Variants in OPHN1 observed in about 807,000 individuals in gnomAD.
The protein encoded by OPHN1 is oligophrenin 1.
In OPHN1, 11 loss-of-function variants were observed where a neutral mutation model predicts 60.7. The ratio of observed to expected loss-of-function variants is 0.18; its 90% CI spans 0.11 to 0.30. OPHN1 has a LOEUF of 0.30. Among genes scored for constraint, OPHN1 ranks in the 10% least tolerant of loss-of-function variants. OPHN1 has a pLI of 1.00. For missense variants in OPHN1, 449 were observed against 611.0 expected, an observed-to-expected ratio of 0.73 and a Z score of 2.80; for synonymous variants, 226 against 222.6, an observed-to-expected ratio of 1.02 and a Z score of -0.14.
rs1426917769 is a variant in OPHN1 at position 68,113,080 on chromosome X, C to A, written c.1420+101G>T. 3 of 642,507 alleles carry A rather than the reference C, an allele frequency of 4.7e-6. No individual in the cohort carries two copies. The Admixed American group carries it at 7.6e-5, about 16-fold the overall frequency. 52.9% of individuals were successfully genotyped at this position (642,507 alleles called of 1,213,427 possible). A position where few individuals can be genotyped will look rare whatever the true frequency, so the allele number is the denominator to read the frequency against. Reference sequence around the variant, plus strand: ...TAATTTGTGTATGTGTTTTAGGTTTCTGTGCCCTCAATCACTTCCCCTCAA... The same window carrying A: ...TAATTTGTGTATGTGTTTTAGGTTTATGTGCCCTCAATCACTTCCCCTCAA... On this transcript the variant is annotated intron_variant, in intron 17 of 24. Transcript: ENST00000355520.
At chrX:68,396,903 C>G (rs903509596) in intron 2 of OPHN1, among the ~76,000 whole-genome samples, 1 of 111,897 alleles carries the variant, frequency 8.9e-6, no homozygotes, top group African/African-American at 3.2e-5. Flanking sequence ...GGAAATTTAC[C>G]CGTTACTCCT....
Position 68,044,593 on chromosome X carries a change from A to G in OPHN1, c.*2579T>C, listed in dbSNP as rs1213038394. Reference sequence around the variant, plus strand: ...TCACCCTCTTCCCATAGCCTCTGCAAAATGACTGCCCATCCATTAAGCCTA... The same window carrying G: ...TCACCCTCTTCCCATAGCCTCTGCAGAATGACTGCCCATCCATTAAGCCTA... On this transcript the variant is annotated 3_prime_UTR_variant, in exon 25 of 25. Coordinates refer to ENST00000355520, the MANE Select transcript of OPHN1 (RefSeq NM_002547.3). 3 of 112,858 alleles carry G rather than the reference A, an allele frequency of 2.7e-5. No homozygotes were observed. The highest frequency in any genetic ancestry group is 9.6e-5 in the African/African-American group (3 of 31,090). The allele number at this position is 112,858 out of a possible 1,213,427, so 9.3% of individuals were successfully genotyped here.
chrX:68,427,391 G>T (rs2078865602), intron 2 of OPHN1, among the ~76,000 whole-genome samples: 1 of 111,314 alleles, frequency 9.0e-6, no homozygotes, highest in Admixed American at 9.7e-5. Flanking sequence ...CCTGTAATTG[G>T]GTTAGTCATT....
intron 2 of OPHN1, among the ~76,000 whole-genome samples, chrX:68,399,149 C>T (rs955651242): frequency 9.0e-6 from 1 of 110,622 alleles, no homozygotes; most frequent in South Asian, 3.8e-4. Context: ...TCACCAAGTC[C>T]GATTTATGTA....
At chrX:68,376,360 T>C (rs1174486203) in intron 2 of OPHN1, among the ~76,000 whole-genome samples, 1 of 110,995 alleles carries the variant, frequency 9.0e-6, no homozygotes, top group Non-Finnish European at 1.9e-5. Context: ...GCCTGGAAAA[T>C]ATGGCACGGA....
chrX:68,247,627 T>A (rs1362549707), intron 5 of OPHN1, among the ~76,000 whole-genome samples: 1 of 110,515 alleles, frequency 9.0e-6, no homozygotes, highest in Non-Finnish European at 1.9e-5. Flanking sequence ...AAATCAAGAA[T>A]AAATTGCCAG....
At chrX:68,136,224 A>T (rs2077218603) in intron 15 of OPHN1, among the ~76,000 whole-genome samples, 1 of 110,119 alleles carries the variant, frequency 9.1e-6, no homozygotes, top group African/African-American at 3.3e-5. Flanking sequence ...AAGTGTAACA[A>T]GTCACAATTT....
intron 2 of OPHN1, among the ~76,000 whole-genome samples, chrX:68,348,952 T>C (rs1387622355): frequency 9.0e-6 from 1 of 110,827 alleles, no homozygotes; most frequent in Non-Finnish European, 1.9e-5. Context: ...AGGGGAGAAA[T>C]AGAAGATAAA....
At chrX:68,201,822 G>A in intron 10 of OPHN1, 112 bp from the exon 11 acceptor site, 1 of 589,886 alleles carries the variant, frequency 1.7e-6, no homozygotes, top group East Asian at 3.3e-5. Context: ...AAGGCAGCAG[G>A]AGCAATGTGT....
intron 5 of OPHN1, among the ~76,000 whole-genome samples, chrX:68,263,935 A>G (rs2077907860): frequency 2.7e-5 from 3 of 111,799 alleles, no homozygotes; most frequent in Admixed American, 9.5e-5. Context: ...TTTAGGGTAT[A>G]TTTTCCACTT....
At chrX:68,145,826 CAT>C (rs1198746737) in intron 15 of OPHN1, among the ~76,000 whole-genome samples, 6 of 112,293 alleles carry the variant, frequency 5.3e-5, no homozygotes, top group Admixed American at 9.5e-5. Flanking sequence ...GATACTTACA[CAT>C]GTTTGATACA....
chrX:68,360,571 C>T (rs1949862276), intron 2 of OPHN1, among the ~76,000 whole-genome samples: 1 of 110,838 alleles, frequency 9.0e-6, no homozygotes, highest in Admixed American at 9.7e-5. Context: ...GGGAGGATCG[C>T]TTGAGCTCAG....
At chrX:68,209,362 C>T (rs2077573905) in intron 9 of OPHN1, among the ~76,000 whole-genome samples, 1 of 111,904 alleles carries the variant, frequency 8.9e-6, no homozygotes, top group African/African-American at 3.2e-5. Context: ...GCTATAAGAG[C>T]ATCCATGAGC....
At chrX:68,174,330 T>C (rs1437750968) in intron 15 of OPHN1, among the ~76,000 whole-genome samples, 1 of 111,216 alleles carries the variant, frequency 9.0e-6, no homozygotes, top group East Asian at 2.8e-4. Flanking sequence ...ATGTTTTCAA[T>C]AGGAAAATAC....
At chrX:68,286,940 G>A (rs969913606) in intron 3 of OPHN1, among the ~76,000 whole-genome samples, 4 of 108,188 alleles carry the variant, frequency 3.7e-5, no homozygotes, top group Admixed American at 2.0e-4. Context: ...GCTTGAAATC[G>A]GGAGGCAGAG....
chrX:68,285,053 C>T (rs1403417534), intron 3 of OPHN1, among the ~76,000 whole-genome samples: 2 of 111,719 alleles, frequency 1.8e-5, no homozygotes, highest in African/African-American at 6.5e-5. Context: ...GTAGTAATGT[C>T]CCCTATTTCA....
At chrX:68,390,317 G>C (rs1450521177) in intron 2 of OPHN1, among the ~76,000 whole-genome samples, 3 of 111,636 alleles carry the variant, frequency 2.7e-5, no homozygotes, top group African/African-American at 9.8e-5. Flanking sequence ...AAAACACTGG[G>C]GCCGGGTGCA....
rs1185766981 is a variant in OPHN1, at chrX:68,400,586, C to CT, written c.154+32280dup. ...GGAAGCAGGCACGTCTTTCTTCTCT[C>CT]TTTTTTTTCTTTTTTCTTTTTTCTT... is the stretch of plus-strand genomic sequence containing the variant. On this transcript the variant is annotated intron_variant, in intron 2 of 24. Coordinates refer to ENST00000355520, the MANE Select transcript of OPHN1 (RefSeq NM_002547.3). Among the ~76,000 whole-genome samples the CT allele has an allele frequency of 2.7e-4, 29 of 106,771 alleles. 1 individual carries two copies. In the South Asian group the frequency reaches 0.013, roughly 46 times the overall value. The allele number at this position is 106,771 out of a possible 115,157, so 92.7% of individuals were successfully genotyped here. A position where few individuals can be genotyped will look rare whatever the true frequency, so the allele number is the denominator to read the frequency against.
intron 21 of OPHN1, among the ~76,000 whole-genome samples, chrX:68,061,755 G>A (rs28601682): frequency 0.22 from 24,973 of 111,003 alleles, 2,179 homozygotes; most frequent in Middle Eastern, 0.29. Context: ...AACTGTGATC[G>A]CATGAGTGAT....
Sources: allele counts gnomAD v4.1 joint callset (sites outside exome capture counted in the v4.1 genomes callset), GRCh38; gene constraint gnomAD v4.1.1; transcripts MANE v1.5; gene names NCBI Gene and HGNC (gene_info 2026-07-23, HGNC 2026-07-21).